The following ZNF385D variants were observed in gnomAD, a reference collection of about 807,000 sequenced individuals.
The protein encoded by ZNF385D is zinc finger protein 385D, also known as zinc finger protein 659.
Under a neutral mutation model 35.8 loss-of-function variants are expected in ZNF385D, and 15 were observed. The ratio of observed to expected loss-of-function variants is 0.42; its 90% CI spans 0.28 to 0.64. ZNF385D has a LOEUF of 0.64. Among genes scored for constraint, ZNF385D ranks in the 30% least tolerant of loss-of-function variants. The pLI, the probability that ZNF385D is intolerant of heterozygous loss-of-function variation, is 0.23. For synonymous variants in ZNF385D, 212 were observed against 186.8 expected, an observed-to-expected ratio of 1.13 and a Z score of -1.10; for missense variants, 474 against 494.6, an observed-to-expected ratio of 0.96 and a Z score of 0.39.
intron 2 of ZNF385D, among the ~76,000 whole-genome samples, chr3:22,180,857 G>T (rs1224241343): frequency 6.7e-6 from 1 of 149,166 alleles, no homozygotes; most frequent in Non-Finnish European, 1.5e-5. Flanking sequence ...GTAAGGCTAA[G>T]AGGAGAATTG....
chr3:21,507,934 G>A (rs1706901936), intron 4 of ZNF385D, among the ~76,000 whole-genome samples: 1 of 152,164 alleles, frequency 6.6e-6, no homozygotes, highest in African/African-American at 2.4e-5. Flanking sequence ...TCAGTTTAAA[G>A]AGAATTTGGC....
At chr3:22,087,524 C>T (rs1049669559) in intron 3 of ZNF385D, among the ~76,000 whole-genome samples, 2 of 152,084 alleles carry the variant, frequency 1.3e-5, no homozygotes, top group Non-Finnish European at 2.9e-5. Flanking sequence ...TGAAATGTAA[C>T]ATGATGACTG....
chr3:22,307,742 GT>G (rs1213288645), intron 2 of ZNF385D, among the ~76,000 whole-genome samples: 6 of 100,798 alleles, frequency 6.0e-5, no homozygotes, highest in East Asian at 3.5e-4. Flanking sequence ...TATTGCCTCT[GT>G]TTTAAAAAAA....
At chr3:22,361,845 T>G (rs959754871) in intron 2 of ZNF385D, among the ~76,000 whole-genome samples, 1 of 151,954 alleles carries the variant, frequency 6.6e-6, no homozygotes, top group Non-Finnish European at 1.5e-5. Context: ...AAGTAAGGCC[T>G]ACCCACCTAA....
chr3:22,243,406 A>C (rs1378346736), intron 2 of ZNF385D, among the ~76,000 whole-genome samples: 1 of 151,092 alleles, frequency 6.6e-6, no homozygotes, highest in Non-Finnish European at 1.5e-5. Flanking sequence ...TTTGAAGGGG[A>C]AACAGTGAGT....
intron 2 of ZNF385D, among the ~76,000 whole-genome samples, chr3:22,365,429 G>C (rs1330265844): frequency 6.6e-6 from 1 of 152,018 alleles, no homozygotes; most frequent in Non-Finnish European, 1.5e-5. Context: ...CATCTCATTA[G>C]CTGATATTTC....
chr3:22,110,754 G>T (rs1236599902), intron 3 of ZNF385D, among the ~76,000 whole-genome samples: 1 of 150,806 alleles, frequency 6.6e-6, no homozygotes, highest in Admixed American at 6.6e-5. Flanking sequence ...TAACCTGCCC[G>T]TTGTGAACAT....
At chr3:22,327,423 T>C (rs180936071) in intron 2 of ZNF385D, among the ~76,000 whole-genome samples, 1 of 152,180 alleles carries the variant, frequency 6.6e-6, no homozygotes, top group African/African-American at 2.4e-5. Context: ...GGGCCTACAT[T>C]AACTAACCCA....
At chr3:21,484,052 A>G (rs954810917) in intron 4 of ZNF385D, among the ~76,000 whole-genome samples, 1 of 152,180 alleles carries the variant, frequency 6.6e-6, no homozygotes, top group Non-Finnish European at 1.5e-5. Flanking sequence ...TTGCTTAATG[A>G]CGATTGTATA....
intron 2 of ZNF385D, among the ~76,000 whole-genome samples, chr3:22,213,766 C>A (rs1697676330): frequency 6.6e-6 from 1 of 152,038 alleles, no homozygotes; most frequent in African/African-American, 2.4e-5. Context: ...CTCATCAGCA[C>A]ACCAGAAGCA....
intron 3 of ZNF385D, among the ~76,000 whole-genome samples, chr3:22,132,698 A>G (rs1452060535): frequency 6.6e-6 from 1 of 152,088 alleles, no homozygotes; most frequent in Non-Finnish European, 1.5e-5. Context: ...AATATTTCAG[A>G]TTGTTTAAAG....
chr3:21,453,045 A>G (rs577294306), intron 4 of ZNF385D, among the ~76,000 whole-genome samples: 90 of 152,026 alleles, frequency 5.9e-4, no homozygotes, highest in African/African-American at 2.1e-3. Flanking sequence ...AATAGAATTA[A>G]GAGTCTGGAA....
At chr3:21,814,648 A>G (rs1313735584) in intron 3 of ZNF385D, among the ~76,000 whole-genome samples, 2 of 152,212 alleles carry the variant, frequency 1.3e-5, no homozygotes, top group Non-Finnish European at 2.9e-5. Flanking sequence ...CTAAATATAT[A>G]TGCACCCAAT....
chr3:22,086,323 T>A (rs1701040390), intron 3 of ZNF385D, among the ~76,000 whole-genome samples: 1 of 152,118 alleles, frequency 6.6e-6, no homozygotes, highest in Non-Finnish European at 1.5e-5. Context: ...CAGCCCAAAT[T>A]CTCCTTAAGC....
At chr3:21,799,165 T>A (rs187631923) in intron 3 of ZNF385D, among the ~76,000 whole-genome samples, 1 of 152,342 alleles carries the variant, frequency 6.6e-6, no homozygotes, top group Admixed American at 6.5e-5. Context: ...CATACTCTGC[T>A]GCATGGATGC....
chr3:21,642,075 T>A (rs1275638139), intron 2 of ZNF385D, among the ~76,000 whole-genome samples: 1 of 152,118 alleles, frequency 6.6e-6, no homozygotes, highest in Non-Finnish European at 1.5e-5. Flanking sequence ...TAATAAAAGA[T>A]TAGGTTGTGG....
intron 3 of ZNF385D, among the ~76,000 whole-genome samples, chr3:22,110,606 G>C (rs561330046): frequency 6.6e-6 from 1 of 151,928 alleles, no homozygotes; most frequent in Non-Finnish European, 1.5e-5. Flanking sequence ...CATGGACACA[G>C]GAAGGGGAAC....
At chr3:21,927,151 C>G (rs1414150858) in intron 3 of ZNF385D, among the ~76,000 whole-genome samples, 1 of 152,092 alleles carries the variant, frequency 6.6e-6, no homozygotes, top group African/African-American at 2.4e-5. Context: ...CTGTCTTGCC[C>G]TGTAATGCCT....
At chr3:21,903,977 A>C (rs1054754374) in intron 3 of ZNF385D, among the ~76,000 whole-genome samples, 1 of 152,132 alleles carries the variant, frequency 6.6e-6, no homozygotes, top group African/African-American at 2.4e-5. Context: ...GACTTTTCAA[A>C]GGTTTGCATC....
Sources: gnomAD v4.1 joint callset for allele counts (sites outside exome capture counted in the v4.1 genomes callset) on GRCh38, gnomAD v4.1.1 for gene constraint, MANE v1.5 for transcripts, NCBI Gene and HGNC (gene_info 2026-07-23, HGNC 2026-07-21) for gene names.